TLL2: variants seen among roughly 807,000 people sequenced by gnomAD.
TLL2 encodes the protein tolloid like 2.
Under a neutral mutation model 123.0 loss-of-function variants are expected in TLL2, and 106 were observed. That is an observed-to-expected ratio of 0.86 (90% CI 0.74 to 1.01). The LOEUF (loss-of-function observed/expected upper bound fraction) is 1.01. Among genes scored for constraint, TLL2 ranks in the 50% least tolerant of loss-of-function variants. The probability of loss-of-function intolerance (pLI) is 0.00; values close to 1 mark genes in which losing one functional copy is unlikely to be tolerated. For missense variants in TLL2, 1,332 were observed against 1,336.7 expected, an observed-to-expected ratio of 1.00 and a Z score of 0.06; for synonymous variants, 494 against 516.8, an observed-to-expected ratio of 0.96 and a Z score of 0.60.
chr10:96,484,135 C>T (rs1035242465), intron 1 of TLL2, among the ~76,000 whole-genome samples: 6 of 152,190 alleles, frequency 3.9e-5, no homozygotes, highest in East Asian at 1.9e-4. Flanking sequence ...TGAGCCACTT[C>T]GCCTGGCCCA....
chr10:96,421,945 C>A (rs1846628303), intron 6 of TLL2, among the ~76,000 whole-genome samples: 1 of 152,166 alleles, frequency 6.6e-6, no homozygotes, highest in Non-Finnish European at 1.5e-5. Flanking sequence ...AAATAGCTCA[C>A]AATTCAGATT....
At chr10:96,437,723 C>A (rs1846810668) in intron 3 of TLL2, among the ~76,000 whole-genome samples, 1 of 152,076 alleles carries the variant, frequency 6.6e-6, no homozygotes, top group Non-Finnish European at 1.5e-5. Flanking sequence ...TAAGTTGTTG[C>A]CTGTATGAAT....
In TLL2 at chr10:96,397,310, G is replaced by A. The variant is rs772483444; in HGVS notation, c.1268-8C>T. 6.2e-7 allele frequency: 1 copy of A among 1,609,376 alleles called. No individual in the cohort carries two copies. Among genetic ancestry groups the A allele is most frequent in the Non-Finnish European group, 8.5e-7 (1 of 1,177,456 alleles). ...TATCGCCACAAAACCTGCCTGGAAAGTGGAAAAAGAAGCAGTTAGGAGCCC... is the reference window on the plus strand; with the variant it reads ...TATCGCCACAAAACCTGCCTGGAAAATGGAAAAAGAAGCAGTTAGGAGCCC... On this transcript the variant is annotated splice_polypyrimidine_tract_variant and splice_region_variant and intron_variant, in intron 10 of 20. Transcript: ENST00000357947.
At chr10:96,490,277 T>C (rs1200073910) in intron 1 of TLL2, among the ~76,000 whole-genome samples, 2 of 152,228 alleles carry the variant, frequency 1.3e-5, no homozygotes, top group African/African-American at 4.8e-5. Flanking sequence ...TCTTTCCAAA[T>C]GAATGTGTGC....
At position 96,384,667 on chromosome 10, in the gene TLL2, G is replaced by A. The variant is rs1188211548; in HGVS notation, c.2114C>T (p.Ser705Leu). ...CGSETPEVITSQSNNMRVEFK... is the reference protein window; with the variant it reads ...CGSETPEVITLQSNNMRVEFK... ...CTCCACGCGCATGTTGTTGCTCTGC[G>A]AGGTGATGACCTCCGGCGTCTCAGA... The change falls in exon 16 of 21, where the codon TCG (serine) becomes TTG (leucine). Residue 705 changes from serine (S) to leucine (L), a missense_variant. By Grantham distance (145) the Ser-to-Leu change is moderately radical. Transcript: ENST00000357947. 5.0e-6 allele frequency: 8 copies of A among 1,612,992 alleles called. No homozygotes were observed. In the South Asian group the frequency reaches 6.6e-5, roughly 13 times the overall value.
intron 2 of TLL2, among the ~76,000 whole-genome samples, chr10:96,463,154 G>A (rs1220792008): frequency 1.3e-5 from 2 of 152,220 alleles, no homozygotes; most frequent in Non-Finnish European, 2.9e-5. Context: ...AAAACAGAAG[G>A]GAGAGGTGTT....
At chr10:96,420,472 C>T (rs1846609051) in intron 7 of TLL2, among the ~76,000 whole-genome samples, 1 of 152,238 alleles carries the variant, frequency 6.6e-6, no homozygotes, top group Non-Finnish European at 1.5e-5. Context: ...CTCCAGTCCT[C>T]AGCTACCTGT....
intron 2 of TLL2, among the ~76,000 whole-genome samples, chr10:96,466,773 C>T (rs1263650166): frequency 1.3e-5 from 2 of 152,216 alleles, no homozygotes; most frequent in Non-Finnish European, 1.5e-5. Context: ...AAGGAGAACC[C>T]AGACGTTGTG....
chr10:96,473,858 G>T (rs1179397221), intron 2 of TLL2, among the ~76,000 whole-genome samples: 1 of 152,122 alleles, frequency 6.6e-6, no homozygotes, highest in Non-Finnish European at 1.5e-5. Context: ...AAAGTTCAAA[G>T]CATCAGCCAC....
At chr10:96,432,544 C>T (rs530933051) in intron 4 of TLL2, among the ~76,000 whole-genome samples, 5 of 152,148 alleles carry the variant, frequency 3.3e-5, no homozygotes, top group East Asian at 3.9e-4. Context: ...CCCACTTATC[C>T]GTCAAGGTCC....
intron 2 of TLL2, among the ~76,000 whole-genome samples, chr10:96,448,507 T>C (rs1846922537): frequency 6.6e-6 from 1 of 152,174 alleles, no homozygotes; most frequent in Non-Finnish European, 1.5e-5. Flanking sequence ...ATGGGTTTGT[T>C]TGGGCATTCG....
intron 2 of TLL2, among the ~76,000 whole-genome samples, chr10:96,476,857 TACACACACACACACACAC>T (rs56240059): frequency 8.5e-6 from 1 of 117,264 alleles, no homozygotes; most frequent in Admixed American, 8.5e-5. Context: ...CCTTTTATGT[TACACACACACACACACAC>T]ACACACACAC....
intron 1 of TLL2, among the ~76,000 whole-genome samples, chr10:96,486,981 G>C (rs1847362401): frequency 6.6e-6 from 1 of 152,218 alleles, no homozygotes; most frequent in Non-Finnish European, 1.5e-5. Flanking sequence ...TCCCTTGCAG[G>C]GAAATCCTTT....
chr10:96,428,256 T>C (rs1846698291), intron 5 of TLL2, among the ~76,000 whole-genome samples: 1 of 152,222 alleles, frequency 6.6e-6, no homozygotes, highest in Non-Finnish European at 1.5e-5. Flanking sequence ...TCAAATTAAA[T>C]GCAAAATTTT....
intron 7 of TLL2, among the ~76,000 whole-genome samples, chr10:96,416,905 T>C (rs1424774122): frequency 6.6e-6 from 1 of 152,236 alleles, no homozygotes. Context: ...TTCTGAGTTC[T>C]GAAACAAAGA....
At chr10:96,506,978 T>C (rs1403132643) in intron 1 of TLL2, among the ~76,000 whole-genome samples, 1 of 152,146 alleles carries the variant, frequency 6.6e-6, no homozygotes, top group Non-Finnish European at 1.5e-5. Flanking sequence ...CTCAGTTTCC[T>C]CATATACAAA....
At chr10:96,483,503 T>C (rs1197445765) in intron 1 of TLL2, among the ~76,000 whole-genome samples, 1 of 152,224 alleles carries the variant, frequency 6.6e-6, no homozygotes, top group Non-Finnish European at 1.5e-5. Flanking sequence ...CTGTCCCTTA[T>C]CTATCATGGT....
intron 4 of TLL2, among the ~76,000 whole-genome samples, chr10:96,430,137 C>T (rs1311721194): frequency 5.2e-5 from 1 of 19,248 alleles, no homozygotes; most frequent in Admixed American, 8.0e-4. Flanking sequence ...GAAACATAAT[C>T]CCAGTGTTGG....
intron 10 of TLL2, among the ~76,000 whole-genome samples, chr10:96,400,077 C>T (rs1377822377): frequency 6.6e-6 from 1 of 152,216 alleles, no homozygotes; most frequent in Non-Finnish European, 1.5e-5. Context: ...TAACTGATGT[C>T]TCAGTGTTCT....
Sources: allele counts gnomAD v4.1 joint callset (sites outside exome capture counted in the v4.1 genomes callset), GRCh38; gene constraint gnomAD v4.1.1; transcripts MANE v1.5; gene names NCBI Gene and HGNC (gene_info 2026-07-23, HGNC 2026-07-21).